The following UBE4A variants were observed in gnomAD, a reference collection of about 807,000 sequenced individuals.
UBE4A encodes ubiquitin conjugation factor E4 A.
In UBE4A, 48 loss-of-function variants were observed where a neutral mutation model predicts 117.9. The observed-to-expected ratio is 0.41, with a 90% CI of 0.32 to 0.52. UBE4A has a LOEUF of 0.52. Ranked by LOEUF, UBE4A falls within the 20% of genes least tolerant of loss-of-function variation. The pLI, the probability that UBE4A is intolerant of heterozygous loss-of-function variation, is 0.33. For missense variants in UBE4A, 1,067 were observed against 1,296.3 expected (o/e 0.82, Z 2.72); for synonymous variants, 407 against 450.0 (o/e 0.90, Z 1.21).
At chr11:118,365,423 A>G (rs1368812234) in intron 2 of UBE4A, among the ~76,000 whole-genome samples, 2 of 152,178 alleles carry the variant, frequency 1.3e-5, no homozygotes, top group Non-Finnish European at 2.9e-5. Context: ...CACTGTACAA[A>G]AAGAGACCAG....
intron 15 of UBE4A, among the ~76,000 whole-genome samples, chr11:118,385,277 C>T (rs1948746032): frequency 6.6e-6 from 1 of 152,172 alleles, no homozygotes. Flanking sequence ...ATCAGAGGAG[C>T]TTGCTTTTGG....
Position 118,384,752 on chromosome 11 carries a change from TG to T in UBE4A, c.2298+18del. ...AGCATTAAGGTGAGAGAGTTTTTGA[TG>T]AAACCTGTTGCTTTATATAAGCCCT... On this transcript the variant is annotated intron_variant, in intron 14 of 19. Coordinates refer to ENST00000252108, the MANE Select transcript of UBE4A (RefSeq NM_001204077.2). 1 of 1,612,844 alleles carries T rather than the reference TG, an allele frequency of 6.2e-7. No individual in the cohort carries two copies. Among genetic ancestry groups the T allele is most frequent in the African/African-American group, 1.3e-5 (1 of 74,988 alleles).
At chr11:118,385,866 C>A (rs568566043) in intron 15 of UBE4A, among the ~76,000 whole-genome samples, 50 of 152,298 alleles carry the variant, frequency 3.3e-4, no homozygotes, top group Non-Finnish European at 6.2e-4. Flanking sequence ...TACAAACAGG[C>A]CCTTTTAAGC....
At chr11:118,361,599 G>A (rs1948521764) in intron 1 of UBE4A, among the ~76,000 whole-genome samples, 1 of 152,170 alleles carries the variant, frequency 6.6e-6, no homozygotes, top group South Asian at 2.1e-4. Flanking sequence ...TGAAAAAGAT[G>A]AGCTTAGTGA....
Position 118,362,503 on chromosome 11 carries a change from GGTGATGCAT to G in UBE4A, c.-41-2534_-41-2526del, listed in dbSNP as rs559025673. Among the ~76,000 whole-genome samples the G allele has an allele frequency of 1.8e-3, 273 of 152,260 alleles. 3 individuals are homozygous for G. Among genetic ancestry groups the G allele is most frequent in the African/African-American group, 6.1e-3 (255 of 41,538 alleles). On this transcript the variant is annotated intron_variant, in intron 1 of 19. Coordinates refer to ENST00000252108, the MANE Select transcript of UBE4A (RefSeq NM_001204077.2). The stretch of plus-strand genomic sequence containing the variant: ...GCTTCCTTTCTGCTTACGTGTTGCA[GGTGATGCAT>G]GTCCTTTGTAATAATCTGGACACTT...
chr11:118,366,377 TAGC>T (rs374144024), intron 2 of UBE4A, among the ~76,000 whole-genome samples: 12 of 152,206 alleles, frequency 7.9e-5, no homozygotes, highest in African/African-American at 2.7e-4. Context: ...AACAGATTCT[TAGC>T]TTCTGTCACC....
At chr11:118,395,878 C>T (rs1443484074) in intron 19 of UBE4A, among the ~76,000 whole-genome samples, 1 of 152,138 alleles carries the variant, frequency 6.6e-6, no homozygotes, top group Non-Finnish European at 1.5e-5. Flanking sequence ...AGTTTGAGAG[C>T]AGCCTGGCCA....
At chr11:118,373,423 T>C in intron 7 of UBE4A, 71 bp from the exon 8 acceptor site, 1 of 1,541,652 alleles carries the variant, frequency 6.5e-7, no homozygotes, top group Non-Finnish European at 8.8e-7. Context: ...CTTAACTGTT[T>C]TGAGGCCCTC....
At chr11:118,365,016 G>A in intron 1 of UBE4A, 24 bp from the exon 2 acceptor site, 2 of 1,572,900 alleles carry the variant, frequency 1.3e-6, no homozygotes, top group Non-Finnish European at 1.7e-6. Flanking sequence ...GCCCTCTTGT[G>A]TCTAATACCT....
chr11:118,367,976 A>G (rs1168040806), intron 2 of UBE4A, among the ~76,000 whole-genome samples: 1 of 152,232 alleles, frequency 6.6e-6, no homozygotes, highest in Non-Finnish European at 1.5e-5. Context: ...GTTGAAAAGT[A>G]GCTACATAAA....
chr11:118,371,736 T>A, intron 5 of UBE4A, 70 bp downstream of exon 5: 1 of 1,487,732 alleles, frequency 6.7e-7, no homozygotes, highest in Non-Finnish European at 9.0e-7. Context: ...GGGCCAGAGT[T>A]GGATCAGTCT....
At chr11:118,375,915 C>T in intron 9 of UBE4A, among the ~76,000 whole-genome samples, 1 of 152,150 alleles carries the variant, frequency 6.6e-6, no homozygotes, top group East Asian at 1.9e-4. Flanking sequence ...ATAATCAATT[C>T]TGCAGAAGTT....
chr11:118,391,568 G>A (rs1314929607), intron 18 of UBE4A, among the ~76,000 whole-genome samples: 2 of 151,674 alleles, frequency 1.3e-5, no homozygotes, highest in African/African-American at 2.4e-5. Context: ...GTCGAGGCGG[G>A]CAGATCACAA....
At chr11:118,371,348 T>C (rs1948607002) in intron 4 of UBE4A, among the ~76,000 whole-genome samples, 166 bp from the exon 5 acceptor site, 1 of 152,210 alleles carries the variant, frequency 6.6e-6, no homozygotes, top group African/African-American at 2.4e-5. Context: ...CATAATTTTC[T>C]AAAATTTTCT....
intron 15 of UBE4A, 23 bp from the exon 16 acceptor site, chr11:118,386,415 T>C (rs1948758843): frequency 1.3e-6 from 2 of 1,593,106 alleles, no homozygotes; most frequent in South Asian, 1.1e-5. Flanking sequence ...TTCTCTGATA[T>C]ATCCCATCTC....
Position 118,365,030 on chromosome 11 carries a change from C to T in UBE4A, c.-41-10C>T, listed in dbSNP as rs1217079166. On this transcript the variant is annotated splice_polypyrimidine_tract_variant and intron_variant, in intron 1 of 19. Coordinates refer to ENST00000252108, the MANE Select transcript of UBE4A (RefSeq NM_001204077.2). ...TGCCCTCTTGTGTCTAATACCTGTC[C>T]TTTGAACAGCCTCTCCCACTAGGTC... 6.3e-7 allele frequency: 1 copy of T among 1,597,158 alleles called. No homozygotes were observed. Among genetic ancestry groups the T allele is most frequent in the African/African-American group, 1.3e-5 (1 of 74,420 alleles).
chr11:118,374,929 A>T lies in UBE4A; in HGVS notation c.1150A>T (p.Met384Leu). 6.4e-7 allele frequency: 1 copy of T among 1,552,592 alleles called. No individual in the cohort carries two copies. Among genetic ancestry groups the T allele is most frequent in the East Asian group, 2.3e-5 (1 of 44,306 alleles). The change falls in exon 9 of 20, where the codon ATG (methionine) becomes TTG (leucine). Residue 384 changes from methionine (M) to leucine (L), a missense_variant. By Grantham distance (15) the Met-to-Leu change is conservative. Coordinates refer to ENST00000252108, the MANE Select transcript of UBE4A (RefSeq NM_001204077.2). ...TCAGTTCCACGAAAAGATCTACCAG[A>T]TGCTGAAGAACTTACTCCAGCTCTC... is the stretch of plus-strand genomic sequence containing the variant. ...MAQFHEKIYQ[M>L]LKNLLQLSPE...
chr11:118,361,490 TC>T (rs1948520793), intron 1 of UBE4A, among the ~76,000 whole-genome samples: 1 of 152,218 alleles, frequency 6.6e-6, no homozygotes, highest in Non-Finnish European at 1.5e-5. Context: ...CATCAAGTGA[TC>T]AGTCCTCCTT....
Position 118,392,790 on chromosome 11 carries a change from A to T in UBE4A, c.2969A>T (p.Asp990Val), listed in dbSNP as rs1555128817. The change falls in exon 19 of 20, where the codon GAT becomes GTT. Residue 990 changes from aspartate to valine, a missense_variant. Asp to Val is a radical substitution (Grantham distance 152). This residue lies in a region of UBE4A where 34 missense variants were observed against 77.7 expected (regional missense o/e 0.44). Coordinates refer to ENST00000252108, the MANE Select transcript of UBE4A (RefSeq NM_001204077.2). ...GAGGAAACCTATGCAGATGCCTGTG[A>T]TGAGTTCCTGGATCCCATTATGAGC... ...QEEETYADAC[D>V]EFLDPIMSTL... 8.7e-6 allele frequency: 14 copies of T among 1,614,158 alleles called. No individual in the cohort carries two copies. Among genetic ancestry groups the T allele is most frequent in the Non-Finnish European group, 1.2e-5 (14 of 1,180,022 alleles).
Sources: gnomAD v4.1 joint callset for allele counts (sites outside exome capture counted in the v4.1 genomes callset) on GRCh38, gnomAD v4.1.1 for gene constraint, gnomAD v4.1.1 regional missense constraint, MANE v1.5 for transcripts, NCBI Gene and HGNC (gene_info 2026-07-23, HGNC 2026-07-21) for gene names.